Variants in LGR6 observed in about 807,000 individuals in gnomAD.
The protein encoded by LGR6 is leucine-rich repeat-containing G protein-coupled receptor 6.
In LGR6, 45 loss-of-function variants were observed where a neutral mutation model predicts 69.4. The observed-to-expected ratio is 0.65, with a 90% CI of 0.51 to 0.83. The LOEUF is 0.83. Ranked by LOEUF, LGR6 falls within the 40% of genes least tolerant of loss-of-function variation. The pLI, the probability that LGR6 is intolerant of heterozygous loss-of-function variation, is 0.00. For missense variants in LGR6, 1,108 were observed against 1,246.7 expected, an observed-to-expected ratio of 0.89 and a Z score of 1.68; for synonymous variants, 538 against 555.0, an observed-to-expected ratio of 0.97 and a Z score of 0.43.
At chr1:202,264,482 G>A (rs953363702) in intron 4 of LGR6, among the ~76,000 whole-genome samples, 15 of 152,214 alleles carry the variant, frequency 9.9e-5, no homozygotes, top group Non-Finnish European at 1.9e-4. Flanking sequence ...CAGGCAGCCA[G>A]GCCTCAAGCA....
intron 1 of LGR6, among the ~76,000 whole-genome samples, chr1:202,210,978 G>A (rs1165693196): frequency 6.6e-6 from 1 of 152,234 alleles, no homozygotes; most frequent in Non-Finnish European, 1.5e-5. Context: ...TAAGCATGAG[G>A]CAGGAGACAA....
At chr1:202,264,356 G>A (rs565419282) in intron 4 of LGR6, among the ~76,000 whole-genome samples, 75 of 152,250 alleles carry the variant, frequency 4.9e-4, no homozygotes, top group African/African-American at 1.7e-3. Context: ...TAAAACTCTG[G>A]GATATCACTT....
rs1653500388 is a variant in LGR6 at position 202,309,043 on chromosome 1, T to C, written c.1281-8T>C. On this transcript the variant is annotated splice_polypyrimidine_tract_variant and splice_region_variant and intron_variant, in intron 14 of 17. Coordinates refer to ENST00000367278, the MANE Select transcript of LGR6 (RefSeq NM_001017403.2). ...ACTGCCAATAACCCTGACCATCCAC[T>C]GTCCTAGGGACCTGACAGACAACCA... 6.2e-7 allele frequency: 1 copy of C among 1,613,716 alleles called. No individual in the cohort carries two copies. The highest frequency in any genetic ancestry group is 8.5e-7 in the Non-Finnish European group (1 of 1,179,898).
intron 1 of LGR6, among the ~76,000 whole-genome samples, chr1:202,200,738 C>A (rs2147890076): frequency 6.6e-6 from 1 of 152,286 alleles, no homozygotes; most frequent in South Asian, 2.1e-4. Context: ...CTCCTCCCGC[C>A]CTTCAGACAT....
In LGR6 at chr1:202,307,084, C is replaced by T. The variant is rs539294528; in HGVS notation, c.1208+145C>T. 6.6e-5 allele frequency: 50 copies of T among 761,424 alleles called. 1 individual carries two copies. The South Asian group carries it at 8.0e-4, about 12-fold the overall frequency. The allele number at this position is 761,424 out of a possible 1,614,324, so 47.2% of individuals were successfully genotyped here. A position where few individuals can be genotyped will look rare whatever the true frequency, so the allele number is the denominator to read the frequency against. Reference sequence around the variant, plus strand: ...AGCTCCACAGCCCCCACCCCCAGCACACACACACACTTCTCTAGCTGGCAC... The same window carrying T: ...AGCTCCACAGCCCCCACCCCCAGCATACACACACACTTCTCTAGCTGGCAC... On this transcript the variant is annotated intron_variant, in intron 13 of 17. Coordinates refer to ENST00000367278, the MANE Select transcript of LGR6 (RefSeq NM_001017403.2).
In LGR6 at chr1:202,214,990, G is replaced by GGTGTGTGT. The variant is rs3221675; in HGVS notation, c.213-10409_213-10402dup. ...GGTAAATGGTGTTTGGGTGCACCTG[G>GGTGTGTGT]GTGTGTGTGTGTGTGTGTGTGTGTG... On this transcript the variant is annotated intron_variant, in intron 1 of 17. Transcript: ENST00000367278. Among the ~76,000 whole-genome samples, 1,285 of 145,566 alleles carry GGTGTGTGT rather than the reference G, an allele frequency of 8.8e-3. 10 individuals are homozygous for GGTGTGTGT. The highest frequency in any genetic ancestry group is 0.026 in the East Asian group (124 of 4,850).
intron 1 of LGR6, chr1:202,197,470 C>G: frequency 1.9e-6 from 1 of 533,294 alleles, no homozygotes; most frequent in South Asian, 1.4e-5. Context: ...CTCATTGACA[C>G]TCACCGGGGT....
At chr1:202,301,367 G>A (rs1002067067) in intron 9 of LGR6, 132 bp downstream of exon 9, 13 of 754,064 alleles carry the variant, frequency 1.7e-5, no homozygotes, top group Admixed American at 1.1e-4. Context: ...TGGTCTTCAA[G>A]GCTGCAGGCC....
At chr1:202,266,685 G>GCA (rs1170167959) in intron 4 of LGR6, among the ~76,000 whole-genome samples, 6 of 152,010 alleles carry the variant, frequency 3.9e-5, no homozygotes, top group African/African-American at 1.2e-4. Flanking sequence ...CAGTACCTCT[G>GCA]CACACACCCT....
intron 1 of LGR6, among the ~76,000 whole-genome samples, chr1:202,204,744 T>C (rs1202446724): frequency 5.5e-4 from 24 of 43,504 alleles, no homozygotes; most frequent in Admixed American, 6.1e-4. Context: ...CACACACACC[T>C]CCAAACACAC....
chr1:202,314,368 A>G (rs909471036), intron 16 of LGR6, among the ~76,000 whole-genome samples: 15 of 152,166 alleles, frequency 9.9e-5, no homozygotes, highest in Middle Eastern at 3.2e-3. Flanking sequence ...ACGTCTAAAC[A>G]CACTGCAGCT....
intron 4 of LGR6, among the ~76,000 whole-genome samples, chr1:202,241,575 C>T (rs1662209076): frequency 6.6e-6 from 1 of 152,036 alleles, no homozygotes; most frequent in African/African-American, 2.4e-5. Context: ...GGAGAATGGC[C>T]ATGCCAGACA....
At chr1:202,298,781 A>C (rs1436029230) in intron 7 of LGR6, 1 of 152,022 alleles carries the variant, frequency 6.6e-6, no homozygotes, top group Non-Finnish European at 1.5e-5. Context: ...TAGCCTCCCA[A>C]AAGTGCTGGG....
At chr1:202,233,753 C>G (rs552016349) in intron 3 of LGR6, among the ~76,000 whole-genome samples, 13 of 152,130 alleles carry the variant, frequency 8.5e-5, no homozygotes, top group African/African-American at 3.1e-4. Flanking sequence ...AGTGAATGTG[C>G]TATTGAACTT....
chr1:202,319,434 C>T lies in LGR6; in HGVS notation c.*227C>T. The T allele has an allele frequency of 1.9e-6, 1 of 516,700 alleles. No homozygotes were observed. Among genetic ancestry groups the T allele is most frequent in the Non-Finnish European group, 3.4e-6 (1 of 296,772 alleles). The allele number at this position is 516,700 out of a possible 1,614,324, so 32.0% of individuals were successfully genotyped here. ...TCCTCAGCTTCACCTTGATACTGGG[C>T]CTCTTCCTTGTCATGTCTGAAGCTG... On this transcript the variant is annotated 3_prime_UTR_variant, in exon 18 of 18. Coordinates refer to ENST00000367278, the MANE Select transcript of LGR6 (RefSeq NM_001017403.2).
At chr1:202,224,313 C>G (rs1018620221) in intron 1 of LGR6, among the ~76,000 whole-genome samples, 1 of 152,076 alleles carries the variant, frequency 6.6e-6, no homozygotes, top group Non-Finnish European at 1.5e-5. Context: ...TGCGGGGCCT[C>G]TAAGAGGACA....
chr1:202,236,359 GT>G, intron 4 of LGR6: 1 of 291,446 alleles, frequency 3.4e-6, no homozygotes, highest in Non-Finnish European at 6.5e-6. Context: ...TCAGGAAGGG[GT>G]TGTCTCCTCT....
chr1:202,243,200 G>A (rs548889606), intron 4 of LGR6, among the ~76,000 whole-genome samples: 1 of 152,184 alleles, frequency 6.6e-6, no homozygotes, highest in South Asian at 2.1e-4. Context: ...TATTTCCAGG[G>A]TACCTGCTCC....
Position 202,306,896 on chromosome 1 carries a change from A to G in LGR6, c.1165A>G (p.Ile389Val), listed in dbSNP as rs759540138. 6.2e-7 allele frequency: 1 copy of G among 1,614,110 alleles called. No homozygotes were observed. The highest frequency in any genetic ancestry group is 1.3e-5 in the African/African-American group (1 of 75,070). ...IGLQHNRIWE[I>V]GADTFSQLSS... ...CCTCCAACACAACCGCATCTGGGAA[A>G]TTGGAGCTGACACCTTCAGCCAGCT... The change falls in exon 13 of 18, where the codon ATT (isoleucine) becomes GTT (valine). Residue 389 changes from isoleucine to valine, a missense_variant. By Grantham distance (29) the Ile-to-Val change is conservative (BLOSUM62 3). Transcript: ENST00000367278.
Sources: gnomAD v4.1 joint callset for allele counts (sites outside exome capture counted in the v4.1 genomes callset) on GRCh38, gnomAD v4.1.1 for gene constraint, MANE v1.5 for transcripts, NCBI Gene and HGNC (gene_info 2026-07-23, HGNC 2026-07-21) for gene names.